Variants in RBMS1 observed in about 807,000 individuals in gnomAD.
The protein encoded by RBMS1 is RNA binding motif single stranded interacting protein 1, also known as RNA-binding motif, single-stranded-interacting protein 1.
In RBMS1, 17 loss-of-function variants were observed where a neutral mutation model predicts 62.3. The observed-to-expected ratio is 0.27, with a 90% confidence interval of 0.19 to 0.41. RBMS1 has a LOEUF of 0.41. Among genes scored for constraint, RBMS1 ranks in the 10% least tolerant of loss-of-function variants. RBMS1 has a pLI of 1.00. For synonymous variants in RBMS1, 172 were observed against 170.0 expected (o/e 1.01, Z -0.09); for missense variants, 334 against 504.5 (o/e 0.66, Z 3.24).
At chr2:160,352,041 G>A (rs967900997) in intron 2 of RBMS1, among the ~76,000 whole-genome samples, 1 of 152,102 alleles carries the variant, frequency 6.6e-6, no homozygotes, top group African/African-American at 2.4e-5. Context: ...GAACCTGAAA[G>A]TGAGATCCTG....
intron 3 of RBMS1, among the ~76,000 whole-genome samples, chr2:160,316,138 G>A (rs936146029): frequency 6.6e-6 from 1 of 151,792 alleles, no homozygotes; most frequent in South Asian, 2.1e-4. Context: ...TACCTATCAC[G>A]TCAAGTTATC....
At position 160,300,704 on chromosome 2, in the gene RBMS1, G is replaced by A; in HGVS notation, c.587C>T (p.Ala196Val). 2 of 1,600,214 alleles carry A rather than the reference G, an allele frequency of 1.2e-6. No homozygotes were observed. Among genetic ancestry groups the A allele is most frequent in the Non-Finnish European group, 1.7e-6 (2 of 1,174,614 alleles). ...TTTTCCATTAAAATGACCAATAACA[G>A]CTTCACATTTTTCTGTTGATTCCAT... ...ARMESTEKCE[A>V]VIGHFNGKFI... Residue 196 changes from alanine (A) to valine (V), a missense_variant, in exon 6 of 14, where the codon GCT (alanine) becomes GTT (valine). Ala to Val is a moderately conservative substitution (Grantham distance 64). Transcript: ENST00000348849.
intron 1 of RBMS1, among the ~76,000 whole-genome samples, chr2:160,440,226 T>C (rs1185176508): frequency 1.3e-5 from 2 of 152,076 alleles, no homozygotes; most frequent in Non-Finnish European, 2.9e-5. Context: ...TTCTTATAAT[T>C]GTGAACATAA....
At chr2:160,441,949 C>T (rs980761927) in intron 1 of RBMS1, among the ~76,000 whole-genome samples, 6 of 152,184 alleles carry the variant, frequency 3.9e-5, no homozygotes, top group East Asian at 1.9e-4. Context: ...ACTAGCCATT[C>T]ATATATCTTC....
intron 4 of RBMS1, among the ~76,000 whole-genome samples, chr2:160,309,464 G>C (rs1235715949): frequency 1.3e-5 from 2 of 152,200 alleles, no homozygotes; most frequent in African/African-American, 2.4e-5. Flanking sequence ...GGGCCACACA[G>C]GTAGAGTTGG....
chr2:160,383,889 G>T (rs1266320387), intron 1 of RBMS1, among the ~76,000 whole-genome samples: 1 of 152,166 alleles, frequency 6.6e-6, no homozygotes, highest in East Asian at 1.9e-4. Context: ...TAGAGATTGG[G>T]GATGGAGTAA....
At chr2:160,372,934 A>C (rs1167390265) in intron 1 of RBMS1, among the ~76,000 whole-genome samples, 1 of 152,212 alleles carries the variant, frequency 6.6e-6, no homozygotes, top group Admixed American at 6.5e-5. Flanking sequence ...TTACACAGCC[A>C]GTGTGTCTCA....
intron 1 of RBMS1, among the ~76,000 whole-genome samples, chr2:160,449,018 C>A (rs976361394): frequency 6.6e-6 from 1 of 151,704 alleles, no homozygotes; most frequent in Non-Finnish European, 1.5e-5. Flanking sequence ...TGTGTCTGCC[C>A]GGCCACCCTG....
At chr2:160,362,321 T>A (rs1693172667) in intron 2 of RBMS1, among the ~76,000 whole-genome samples, 1 of 152,250 alleles carries the variant, frequency 6.6e-6, no homozygotes, top group Non-Finnish European at 1.5e-5. Context: ...AGACCTAGCT[T>A]TCGGCCTGTC....
At chr2:160,293,303 A>G (rs1462122722) in intron 6 of RBMS1, among the ~76,000 whole-genome samples, 1 of 152,172 alleles carries the variant, frequency 6.6e-6, no homozygotes, top group Admixed American at 6.5e-5. Flanking sequence ...TGCCCTCATA[A>G]TATCACTATA....
intron 2 of RBMS1, among the ~76,000 whole-genome samples, chr2:160,327,673 C>G (rs1185609586): frequency 6.6e-6 from 1 of 152,110 alleles, no homozygotes; most frequent in East Asian, 1.9e-4. Context: ...TACTACAGCA[C>G]TTAAGGATGT....
chr2:160,480,899 C>T (rs375237891), intron 1 of RBMS1, among the ~76,000 whole-genome samples: 2 of 151,498 alleles, frequency 1.3e-5, no homozygotes, highest in African/African-American at 2.4e-5. Context: ...GCCAACATAC[C>T]GAAACCCCAT....
intron 6 of RBMS1, among the ~76,000 whole-genome samples, chr2:160,292,765 G>A (rs989416329): frequency 2.0e-5 from 3 of 152,164 alleles, no homozygotes; most frequent in Admixed American, 6.5e-5. Flanking sequence ...GGGTGTGATC[G>A]ATGGTGATAA....
chr2:160,345,172 TA>T (rs775502839), intron 2 of RBMS1, among the ~76,000 whole-genome samples: 2 of 152,034 alleles, frequency 1.3e-5, no homozygotes, highest in Non-Finnish European at 2.9e-5. Flanking sequence ...CTAAGTAGAG[TA>T]ACTCAGAGGG....
chr2:160,399,095 T>C (rs2105227995), intron 1 of RBMS1, among the ~76,000 whole-genome samples: 1 of 152,358 alleles, frequency 6.6e-6, no homozygotes, highest in South Asian at 2.1e-4. Flanking sequence ...ATGTTTTCTA[T>C]CTTCAAATCT....
intron 2 of RBMS1, among the ~76,000 whole-genome samples, chr2:160,341,891 A>G (rs1021545181): frequency 6.6e-6 from 1 of 152,226 alleles, no homozygotes; most frequent in African/African-American, 2.4e-5. Context: ...TATATGTTTT[A>G]AAACATTTAT....
At chr2:160,484,918 A>G (rs1028333016) in intron 1 of RBMS1, among the ~76,000 whole-genome samples, 1 of 152,122 alleles carries the variant, frequency 6.6e-6, no homozygotes, top group African/African-American at 2.4e-5. Flanking sequence ...GGAAAAGGTA[A>G]AAAGAGAATT....
intron 1 of RBMS1, among the ~76,000 whole-genome samples, chr2:160,476,466 T>C (rs1685131955): frequency 6.6e-6 from 1 of 151,884 alleles, no homozygotes; most frequent in African/African-American, 2.4e-5. Flanking sequence ...AAACAAAAAA[T>C]ATGGATTCAA....
At chr2:160,313,502 G>T (rs1241547402) in intron 3 of RBMS1, among the ~76,000 whole-genome samples, 1 of 151,662 alleles carries the variant, frequency 6.6e-6, no homozygotes, top group Non-Finnish European at 1.5e-5. Context: ...AAGATCTTAC[G>T]TGTCTTGTAT....
Sources: allele counts gnomAD v4.1 joint callset (sites outside exome capture counted in the v4.1 genomes callset), GRCh38; gene constraint gnomAD v4.1.1; transcripts MANE v1.5; gene names NCBI Gene and HGNC (gene_info 2026-07-23, HGNC 2026-07-21).